Variants in MTHFD1L observed in about 807,000 individuals in gnomAD.
MTHFD1L encodes methylenetetrahydrofolate dehydrogenase (NADP+ dependent) 1 like.
MTHFD1L carries 81 observed loss-of-function variants against 119.5 expected under a neutral mutation model. That is an observed-to-expected ratio of 0.68 (90% CI 0.57 to 0.82). The LOEUF (loss-of-function observed/expected upper bound fraction) is 0.82, where lower values mean the gene tolerates loss of function less well. Ranked by LOEUF, MTHFD1L falls within the 40% of genes least tolerant of loss-of-function variation. MTHFD1L has a pLI of 0.00. For synonymous variants in MTHFD1L, 430 were observed against 475.2 expected (o/e 0.90, Z 1.24); for missense variants, 1,125 against 1,253.4 (o/e 0.90, Z 1.55).
At chr6:151,054,318 A>G (rs921338092) in intron 26 of MTHFD1L, among the ~76,000 whole-genome samples, 2 of 152,184 alleles carry the variant, frequency 1.3e-5, no homozygotes, top group Admixed American at 1.3e-4. Context: ...TTCAGATGGG[A>G]AATCTTATTT....
Position 150,926,359 on chromosome 6 carries a change from T to G in MTHFD1L, c.1256+64T>G, listed in dbSNP as rs1583595740. The G allele has an allele frequency of 6.3e-6, 9 of 1,426,848 alleles. No individual in the cohort carries two copies. In the South Asian group the frequency reaches 8.8e-5, roughly 14 times the overall value. 88.4% of individuals were successfully genotyped at this position (1,426,848 alleles called of 1,614,324 possible). Reference sequence around the variant, plus strand: ...TATTTACAAAACTCTTCCCTATTTATCTCTCTCCTCGTACCCCTCAATCCA... The same window carrying G: ...TATTTACAAAACTCTTCCCTATTTAGCTCTCTCCTCGTACCCCTCAATCCA... On this transcript the variant is annotated intron_variant, in intron 11 of 27. Coordinates refer to ENST00000367321, the MANE Select transcript of MTHFD1L (RefSeq NM_015440.5). This position sits in a 1 kb window ranked among gnomAD's most constrained non-coding sequence, Gnocchi z 4.3.
At chr6:150,899,893 C>T (rs1784838503) in intron 7 of MTHFD1L, among the ~76,000 whole-genome samples, 2 of 151,638 alleles carry the variant, frequency 1.3e-5, no homozygotes, top group Admixed American at 1.3e-4. Context: ...AATCGTTGAA[C>T]CCAGGAGGCA....
At chr6:150,902,577 C>T (rs950605903) in intron 7 of MTHFD1L, among the ~76,000 whole-genome samples, 1 of 152,116 alleles carries the variant, frequency 6.6e-6, no homozygotes, top group Non-Finnish European at 1.5e-5. Context: ...GCATCTAGCA[C>T]TTTTCCTTTC....
At chr6:151,075,884 G>C (rs1447268582) in intron 26 of MTHFD1L, among the ~76,000 whole-genome samples, 1 of 152,134 alleles carries the variant, frequency 6.6e-6, no homozygotes, top group African/African-American at 2.4e-5. Context: ...TTTGATATAA[G>C]GATTTGTATA....
intron 22 of MTHFD1L, 129 bp downstream of exon 22, chr6:151,013,949 A>ACT (rs1251155622): frequency 1.3e-6 from 1 of 762,672 alleles, no homozygotes; most frequent in Non-Finnish European, 2.1e-6. Flanking sequence ...GCAGTGACTC[A>ACT]CACCTGTAAT....
At chr6:150,948,505 G>T (rs1794362798) in intron 15 of MTHFD1L, among the ~76,000 whole-genome samples, 1 of 151,408 alleles carries the variant, frequency 6.6e-6, no homozygotes, top group South Asian at 2.1e-4. Flanking sequence ...TGTATTTTTA[G>T]TAGAGACGGG....
In MTHFD1L at chr6:150,865,736, G is replaced by GCCA; in HGVS notation, c.-85_-84insACC. On this transcript the variant is annotated 5_prime_UTR_variant, in exon 1 of 28. Transcript: ENST00000367321. ...CCAGGTCCTTCCCGCCGCCGCCGCC[G>GCCA]CCGCCGCCGCCTGCTCCCCTGGCAC... is the stretch of plus-strand genomic sequence containing the variant. 2.7e-6 allele frequency: 3 copies of GCCA among 1,131,940 alleles called. No homozygotes were observed. The highest frequency in any genetic ancestry group is 4.8e-5 in the South Asian group (2 of 42,072). 70.1% of individuals were successfully genotyped at this position (1,131,940 alleles called of 1,614,324 possible).
At chr6:150,866,141 C>A in intron 1 of MTHFD1L, 92 bp downstream of exon 1, 1 of 1,416,118 alleles carries the variant, frequency 7.1e-7, no homozygotes, top group South Asian at 1.4e-5. Context: ...GGGAGCGGGG[C>A]GCGGGGCTGC....
At chr6:150,937,609 G>T (rs1332403484) in intron 12 of MTHFD1L, among the ~76,000 whole-genome samples, 1 of 152,100 alleles carries the variant, frequency 6.6e-6, no homozygotes, top group African/African-American at 2.4e-5. Flanking sequence ...TACTGATAAC[G>T]CACAGAGTGT....
In MTHFD1L at chr6:151,058,013, A is replaced by G. The variant is rs373321221; in HGVS notation, c.2847+20896A>G. Among the ~76,000 whole-genome samples, 10 of 152,136 alleles carry G rather than the reference A, an allele frequency of 6.6e-5. No individual in the cohort carries two copies. The East Asian group carries it at 7.7e-4, about 12-fold the overall frequency. On this transcript the variant is annotated intron_variant, in intron 26 of 27. Transcript: ENST00000367321. ...ACTGGTCTCAAACTCCTGACCGCAC[A>G]TTATCTGCCTGCCACCACCTCCCAA...
intron 8 of MTHFD1L, among the ~76,000 whole-genome samples, chr6:150,916,292 CTTTTTTTTTTTTTTT>C (rs71554488): frequency 2.5e-5 from 1 of 39,986 alleles, no homozygotes; most frequent in Non-Finnish European, 4.6e-5. Context: ...AAGGTAGAAT[CTTTTTTTTTTTTTTT>C]TTTTTTTTTT....
At position 151,097,412 on chromosome 6, in the gene MTHFD1L, C is replaced by T. The variant is rs1453285856; in HGVS notation, c.*32-4114C>T. Reference sequence around the variant, plus strand: ...TGTGGTATGTATAGAGAGTGGAATACTACTTAGCCATTAAAAAAGAATGAA... The same window carrying T: ...TGTGGTATGTATAGAGAGTGGAATATTACTTAGCCATTAAAAAAGAATGAA... On this transcript the variant is annotated intron_variant, in intron 27 of 27. Transcript: ENST00000367321. Among the ~76,000 whole-genome samples the T allele has an allele frequency of 3.3e-5, 5 of 152,192 alleles. No homozygotes were observed. In the East Asian group the frequency reaches 5.8e-4, roughly 18 times the overall value.
intron 24 of MTHFD1L, among the ~76,000 whole-genome samples, chr6:151,021,400 T>C (rs1020047558): frequency 2.0e-5 from 3 of 151,870 alleles, no homozygotes; most frequent in African/African-American, 7.3e-5. Flanking sequence ...ATACAAAAAC[T>C]AGACAGGTGT....
intron 26 of MTHFD1L, among the ~76,000 whole-genome samples, chr6:151,067,419 G>A (rs1269997666): frequency 1.3e-5 from 2 of 151,896 alleles, no homozygotes; most frequent in Admixed American, 6.6e-5. Flanking sequence ...GACCTCCTAC[G>A]TCCAAGCAAT....
chr6:151,041,965 G>T, intron 26 of MTHFD1L: 67 of 346,294 alleles, frequency 1.9e-4, no homozygotes, highest in East Asian at 6.0e-4. Context: ...TATAGGCCAG[G>T]GTTTTTTTTT....
At chr6:150,965,669 AAAAAG>A (rs1797102142) in intron 19 of MTHFD1L, among the ~76,000 whole-genome samples, 1 of 121,768 alleles carries the variant, frequency 8.2e-6, no homozygotes, top group African/African-American at 2.7e-5. Context: ...TGAAAAAAAA[AAAAAG>A]AGAAAGTCAA....
In MTHFD1L at chr6:150,867,794, C is replaced by CTTTTTTT. The variant is rs35396368; in HGVS notation, c.227+1760_227+1766dup. Among the ~76,000 whole-genome samples the CTTTTTTT allele has an allele frequency of 3.4e-3, 396 of 115,900 alleles. 10 individuals carry two copies. The highest frequency in any genetic ancestry group is 0.013 in the African/African-American group (374 of 29,398). 76.0% of individuals were successfully genotyped at this position (115,900 alleles called of 152,430 possible). A position where few individuals can be genotyped will look rare whatever the true frequency, so the allele number is the denominator to read the frequency against. ...TCTGTGGGTTTTATTCATACATATT[C>CTTTTTTT]TTTTTTTTTTTTTTTTTTTTTGAGA... On this transcript the variant is annotated intron_variant, in intron 1 of 27. Coordinates refer to ENST00000367321, the MANE Select transcript of MTHFD1L (RefSeq NM_015440.5).
chr6:150,940,210 A>G (rs1484352310), intron 13 of MTHFD1L, among the ~76,000 whole-genome samples: 1 of 152,156 alleles, frequency 6.6e-6, no homozygotes, highest in African/African-American at 2.4e-5. Context: ...AGTGCCCAGC[A>G]CATAGTAGGA....
chr6:151,067,087 G>A (rs1396413819), intron 26 of MTHFD1L, among the ~76,000 whole-genome samples: 2 of 150,074 alleles, frequency 1.3e-5, no homozygotes, highest in African/African-American at 2.5e-5. Context: ...TCTGCCTCCT[G>A]GGTTTAAGGG....
Sources: allele counts gnomAD v4.1 joint callset (sites outside exome capture counted in the v4.1 genomes callset), GRCh38; gene constraint gnomAD v4.1.1; non-coding constraint Gnocchi (gnomAD v3.1); transcripts MANE v1.5; gene names NCBI Gene and HGNC (gene_info 2026-07-23, HGNC 2026-07-21).